The following CACNA1E variants were observed in gnomAD, a reference collection of about 807,000 sequenced individuals.
The protein encoded by CACNA1E is calcium voltage-gated channel subunit alpha1 E.
A neutral mutation model predicts 259.2 loss-of-function variants in CACNA1E; 40 were observed. The observed-to-expected ratio is 0.15, with a 90% CI of 0.12 to 0.20. CACNA1E has a LOEUF of 0.20. Ranked by LOEUF, CACNA1E falls within the 10% of genes least tolerant of loss-of-function variation. CACNA1E has a pLI of 1.00. For missense variants in CACNA1E, 1,874 were observed against 3,040.1 expected, an observed-to-expected ratio of 0.62 and a Z score of 9.02; for synonymous variants, 1,104 against 1,138.5, an observed-to-expected ratio of 0.97 and a Z score of 0.61.
At chr1:181,590,417 AT>A (rs375458210) in intron 6 of CACNA1E, among the ~76,000 whole-genome samples, 31,723 of 104,762 alleles carry the variant, frequency 0.3, 4,579 homozygotes, top group East Asian at 0.64. Context: ...AAAAAAAAAA[AT>A]ATATATATAT....
chr1:181,730,520 G>T (rs887290940), intron 18 of CACNA1E, among the ~76,000 whole-genome samples: 1 of 152,234 alleles, frequency 6.6e-6, no homozygotes, highest in Non-Finnish European at 1.5e-5. Context: ...ACTCTGCTCT[G>T]CCCAGGTGAA....
chr1:181,550,199 G>A (rs541158700), intron 3 of CACNA1E, among the ~76,000 whole-genome samples: 18 of 152,250 alleles, frequency 1.2e-4, no homozygotes, highest in Middle Eastern at 3.4e-3. Context: ...TTAAACTTGG[G>A]GGATGAGAGG....
intron 7 of CACNA1E, among the ~76,000 whole-genome samples, chr1:181,675,655 A>G (rs1430230769): frequency 6.6e-6 from 1 of 152,214 alleles, no homozygotes; most frequent in Non-Finnish European, 1.5e-5. Flanking sequence ...AAGAATTAAA[A>G]TAATAAAAAT....
chr1:181,695,896 A>G (rs1448189914), intron 7 of CACNA1E, among the ~76,000 whole-genome samples: 1 of 152,218 alleles, frequency 6.6e-6, no homozygotes, highest in Non-Finnish European at 1.5e-5. Flanking sequence ...CGGAGGTTGC[A>G]GTGAGTTGAG....
intron 6 of CACNA1E, among the ~76,000 whole-genome samples, chr1:181,600,141 G>A (rs2103060550): frequency 1.3e-5 from 2 of 152,286 alleles, no homozygotes; most frequent in East Asian, 3.9e-4. Context: ...AAAGCCCTGG[G>A]ATATCTGTGG....
chr1:181,695,558 C>A (rs1380276804), intron 7 of CACNA1E, among the ~76,000 whole-genome samples: 1 of 152,094 alleles, frequency 6.6e-6, no homozygotes, highest in East Asian at 1.9e-4. Flanking sequence ...TTAGAGAGCC[C>A]CTCATGTATA....
At chr1:181,595,781 C>T (rs1442399617) in intron 6 of CACNA1E, among the ~76,000 whole-genome samples, 6 of 152,172 alleles carry the variant, frequency 3.9e-5, no homozygotes, top group Non-Finnish European at 7.3e-5. Context: ...TTGGTCCACG[C>T]TGTAGGACCT....
chr1:181,361,581 C>G (rs1653889108), intron 1 of CACNA1E, among the ~76,000 whole-genome samples: 1 of 152,106 alleles, frequency 6.6e-6, no homozygotes, highest in Non-Finnish European at 1.5e-5. Flanking sequence ...TTTTCATGCC[C>G]CCATAGTCAC....
chr1:181,518,704 T>C (rs1666773932), intron 3 of CACNA1E, among the ~76,000 whole-genome samples: 1 of 152,198 alleles, frequency 6.6e-6, no homozygotes, highest in Non-Finnish European at 1.5e-5. Flanking sequence ...CTTTTTTCTA[T>C]ATTGAGATGC....
At chr1:181,716,903 G>T (rs1012320445) in intron 10 of CACNA1E, among the ~76,000 whole-genome samples, 190 bp from the exon 11 acceptor site, 4 of 152,194 alleles carry the variant, frequency 2.6e-5, no homozygotes, top group African/African-American at 9.7e-5. Context: ...GACTGAGAGT[G>T]CCCAGAGAGG....
chr1:181,483,726 T>C lies in CACNA1E; in HGVS notation c.-19T>C, dbSNP rs776493158. 1.9e-6 allele frequency: 3 copies of C among 1,580,816 alleles called. No individual in the cohort carries two copies. The highest frequency in any genetic ancestry group is 1.8e-5 in the Admixed American group (1 of 56,516). ...GCCGCGATCACCTTTGTGTGTCTTC[T>C]GTCTGTTTAAACCTCAGGATGGCTC... On this transcript the variant is annotated 5_prime_UTR_variant, in exon 1 of 48. Coordinates refer to ENST00000367573, the MANE Select transcript of CACNA1E (RefSeq NM_001205293.3).
chr1:181,798,506 C>G lies in CACNA1E; in HGVS notation c.6614C>G (p.Ala2205Gly), dbSNP rs1484439775. The G allele has an allele frequency of 6.2e-7, 1 of 1,613,962 alleles. No homozygotes were observed. Among genetic ancestry groups the G allele is most frequent in the Non-Finnish European group, 8.5e-7 (1 of 1,179,904 alleles). The change falls in exon 48 of 48, where the codon GCT becomes GGT. Residue 2205 changes from alanine to glycine, a missense_variant. Ala to Gly is a moderately conservative substitution (Grantham distance 60, BLOSUM62 0). Around this residue, in one of 14 missense-constraint regions of CACNA1E, gnomAD observed 542 missense variants for 587.2 expected, o/e 0.92. Transcript: ENST00000367573. This position sits in a 1 kb window ranked among gnomAD's most constrained non-coding sequence, Gnocchi z 4.2. ...LTSQALESNN[A>G]CLTESSNSPH... ...TCCCAAGCTCTGGAGAGCAACAATG[C>G]TTGCCTGACCGAGTCTTCCAACTCT...
At position 181,483,914 on chromosome 1, in the gene CACNA1E, C is replaced by T. The variant is rs977045555; in HGVS notation, c.170C>T (p.Pro57Leu). ...ARTMALYNPI[P>L]VRQNCFTVNR... Reference sequence around the variant, plus strand: ...ACTATGGCTTTGTACAACCCCATTCCCGTCCGGCAGAACTGTTTCACCGTC... The same window carrying T: ...ACTATGGCTTTGTACAACCCCATTCTCGTCCGGCAGAACTGTTTCACCGTC... Residue 57 changes from proline (P) to leucine (L), a missense_variant, in exon 1 of 48, where the codon CCC becomes CTC. By Grantham distance (98) the Pro-to-Leu change is moderately conservative. Transcript: ENST00000367573. The T allele has an allele frequency of 6.2e-7, 1 of 1,613,746 alleles. No homozygotes were observed. The highest frequency in any genetic ancestry group is 1.7e-5 in the Admixed American group (1 of 60,022).
In CACNA1E at chr1:181,483,776, G is replaced by A. The variant is rs767620162; in HGVS notation, c.32G>A (p.Arg11Lys). 2 of 1,610,918 alleles carry A rather than the reference G, an allele frequency of 1.2e-6. No individual in the cohort carries two copies. Among genetic ancestry groups the A allele is most frequent in the Admixed American group, 1.7e-5 (1 of 59,922 alleles). MARFGEAVVA[R>K]PGSGDGDSDQ... Reference sequence around the variant, plus strand: ...CGCTTCGGGGAGGCGGTGGTCGCCAGGCCAGGGTCCGGCGATGGAGACTCG... The same window carrying A: ...CGCTTCGGGGAGGCGGTGGTCGCCAAGCCAGGGTCCGGCGATGGAGACTCG... The change falls in exon 1 of 48, where the codon AGG (arginine) becomes AAG (lysine). Residue 11 changes from arginine (R) to lysine (K), a missense_variant. Arg to Lys is a conservative substitution (Grantham distance 26). This residue lies in a region of CACNA1E where 110 missense variants were observed against 122.8 expected (regional missense o/e 0.90). Transcript: ENST00000367573.
At chr1:181,527,896 G>T (rs1667480462) in intron 3 of CACNA1E, among the ~76,000 whole-genome samples, 1 of 151,142 alleles carries the variant, frequency 6.6e-6, no homozygotes, top group African/African-American at 2.4e-5. Flanking sequence ...TATTTTATTT[G>T]CTATTTATTA....
chr1:181,739,391 G>GCC, intron 25 of CACNA1E, 138 bp downstream of exon 25: 1 of 671,836 alleles, frequency 1.5e-6, no homozygotes, highest in Admixed American at 2.5e-5. Context: ...CTCCCCAGTC[G>GCC]CCCCCAGCAG....
rs750533768 is a variant in CACNA1E, at chr1:181,798,757, G to A, written c.6865G>A (p.Gly2289Arg). 6.3e-6 allele frequency: 10 copies of A among 1,598,784 alleles called. No homozygotes were observed. Among genetic ancestry groups the A allele is most frequent in the African/African-American group, 2.7e-5 (2 of 74,764 alleles). ...CGGGCACTATCGGCGGCGGAGGCGCGGGGGGCCTGGGCCAGGCATGATGTG... is the reference window on the plus strand; with the variant it reads ...CGGGCACTATCGGCGGCGGAGGCGCAGGGGGCCTGGGCCAGGCATGATGTG... ...PNGHYRRRRR[G>R]GPGPGMMCGA... The change falls in exon 48 of 48, where the codon GGG becomes AGG. Residue 2289 changes from glycine to arginine, a missense_variant. Physicochemically the swap from Gly to Arg is moderately radical, Grantham distance 125. Around this residue, in one of 14 missense-constraint regions of CACNA1E, gnomAD observed 542 missense variants for 587.2 expected, o/e 0.92. Coordinates refer to ENST00000367573, the MANE Select transcript of CACNA1E (RefSeq NM_001205293.3). The surrounding 1 kb of genome is among the most constrained non-coding windows in gnomAD (Gnocchi z 4.2).
chr1:181,679,371 T>C (rs1054726385), intron 7 of CACNA1E, among the ~76,000 whole-genome samples: 3 of 152,196 alleles, frequency 2.0e-5, no homozygotes, highest in African/African-American at 7.2e-5. Context: ...CACTTGGGTC[T>C]CTCTTAATCC....
chr1:181,625,610 C>T (rs769845242), intron 6 of CACNA1E, among the ~76,000 whole-genome samples: 1 of 152,138 alleles, frequency 6.6e-6, no homozygotes. Context: ...ATTGAGGAGA[C>T]TTAGGTTCTT....
Sources: gnomAD v4.1 joint callset for allele counts (sites outside exome capture counted in the v4.1 genomes callset) on GRCh38, gnomAD v4.1.1 for gene constraint, gnomAD v4.1.1 regional missense constraint, Gnocchi (gnomAD v3.1) non-coding constraint, MANE v1.5 for transcripts, NCBI Gene and HGNC (gene_info 2026-07-23, HGNC 2026-07-21) for gene names.